Variants in UMAD1 observed in about 807,000 individuals in gnomAD.
UMAD1 encodes the protein UBAP1-MVB12-associated (UMA) domain containing 1.
UMAD1 carries 8 observed loss-of-function variants against 6.1 expected under a neutral mutation model. That is an observed-to-expected ratio of 1.30 (90% CI 0.76 to 2.35). The LOEUF is 2.35. Among genes scored for constraint, UMAD1 ranks in the 30% most tolerant of loss-of-function variants. The pLI, the probability that UMAD1 is intolerant of heterozygous loss-of-function variation, is 0.00. For synonymous variants in UMAD1, 56 were observed against 31.4 expected (o/e 1.78, Z -2.61); for missense variants, 130 against 78.4 (o/e 1.66, Z -2.49).
chr7:7,836,835 G>A (rs10260454), intron 3 of UMAD1, among the ~76,000 whole-genome samples: 114,755 of 151,666 alleles, frequency 0.76, 44,482 homozygotes, highest in African/African-American at 0.94. Context: ...ATGCATAATA[G>A]TAGCATGAAG....
chr7:7,796,039 A>G (rs1402656402), intron 2 of UMAD1, among the ~76,000 whole-genome samples: 1 of 152,042 alleles, frequency 6.6e-6, no homozygotes, highest in Non-Finnish European at 1.5e-5. Context: ...GGACAGAACC[A>G]CTTGTGGCCA....
chr7:7,872,102 TA>T (rs892789283), intron 3 of UMAD1, among the ~76,000 whole-genome samples: 503 of 140,152 alleles, frequency 3.6e-3, no homozygotes, highest in African/African-American at 5.9e-3. Context: ...AAATAAAAAA[TA>T]AAAAAAAAAA....
chr7:7,694,740 G>C (rs1354702121), intron 2 of UMAD1, among the ~76,000 whole-genome samples: 2 of 152,186 alleles, frequency 1.3e-5, no homozygotes, highest in East Asian at 3.9e-4. Flanking sequence ...TGGCTGAATA[G>C]TACTCCATTG....
rs544468626 is a variant in UMAD1 at position 7,713,840 on chromosome 7, T to A, written c.82+40387T>A. On this transcript the variant is annotated intron_variant, in intron 2 of 3. Coordinates refer to ENST00000682710, the MANE Select transcript of UMAD1 (RefSeq NM_001302348.2). ...TTCTCTTTTCAAAAAATTAAAAAAATTTTTTCTAGAGGCAGGGTCTCACTC... is the reference window on the plus strand; with the variant it reads ...TTCTCTTTTCAAAAAATTAAAAAAAATTTTTCTAGAGGCAGGGTCTCACTC... Among the ~76,000 whole-genome samples the A allele has an allele frequency of 6.8e-4, 103 of 152,288 alleles. 4 individuals carry two copies. In the South Asian group the frequency reaches 0.02, roughly 29 times the overall value.
At chr7:7,709,144 T>G (rs1450391096) in intron 2 of UMAD1, among the ~76,000 whole-genome samples, 1 of 152,220 alleles carries the variant, frequency 6.6e-6, no homozygotes, top group African/African-American at 2.4e-5. Flanking sequence ...GATTTTGTAA[T>G]GGTTAAATAA....
chr7:7,784,636 T>G (rs1037290489), intron 2 of UMAD1, among the ~76,000 whole-genome samples: 1 of 151,876 alleles, frequency 6.6e-6, no homozygotes, highest in Non-Finnish European at 1.5e-5. Flanking sequence ...TGAGCCACCG[T>G]GCCCGGCCTA....
intron 3 of UMAD1, among the ~76,000 whole-genome samples, chr7:7,844,035 G>A (rs1365399171): frequency 2.0e-5 from 3 of 152,214 alleles, no homozygotes; most frequent in Non-Finnish European, 4.4e-5. Context: ...TGGGAATGAA[G>A]GAATGCTTTT....
At chr7:7,643,638 A>AG (rs1220981445) in intron 1 of UMAD1, among the ~76,000 whole-genome samples, 1 of 151,388 alleles carries the variant, frequency 6.6e-6, no homozygotes, top group African/African-American at 2.4e-5. Context: ...CGTGAACCCG[A>AG]GAGGCGGAGC....
chr7:7,835,766 A>T (rs73055876), intron 3 of UMAD1, among the ~76,000 whole-genome samples: 12,635 of 151,896 alleles, frequency 0.083, 705 homozygotes, highest in Middle Eastern at 0.18. Flanking sequence ...TACATCAGTT[A>T]TCTTATTTTA....
intron 2 of UMAD1, among the ~76,000 whole-genome samples, chr7:7,695,673 T>G (rs1780296891): frequency 6.6e-6 from 1 of 152,184 alleles, no homozygotes; most frequent in Non-Finnish European, 1.5e-5. Flanking sequence ...AAAAAGACAT[T>G]GCTTCTGAGC....
At chr7:7,688,322 T>C (rs140248254) in intron 2 of UMAD1, among the ~76,000 whole-genome samples, 2 of 152,320 alleles carry the variant, frequency 1.3e-5, no homozygotes, top group East Asian at 3.9e-4. Flanking sequence ...CATATCTCAT[T>C]GGGTACCTTT....
chr7:7,714,852 T>C (rs1002937570), intron 2 of UMAD1, among the ~76,000 whole-genome samples: 25 of 148,778 alleles, frequency 1.7e-4, no homozygotes, highest in Non-Finnish European at 7.5e-5. Flanking sequence ...CAAAAATTTT[T>C]CTTTTTTTTT....
At chr7:7,778,971 T>G (rs932347868) in intron 2 of UMAD1, among the ~76,000 whole-genome samples, 2 of 152,228 alleles carry the variant, frequency 1.3e-5, no homozygotes, top group Non-Finnish European at 2.9e-5. Context: ...CATGTAAACC[T>G]CTTATCAGTC....
intron 1 of UMAD1, 43 bp from the exon 2 acceptor site, chr7:7,673,266 C>T: frequency 1.9e-6 from 2 of 1,062,842 alleles, no homozygotes; most frequent in Non-Finnish European, 1.4e-6. Context: ...AAGAGTTTTA[C>T]AGTTGCATCT....
intron 3 of UMAD1, among the ~76,000 whole-genome samples, chr7:7,860,690 G>T (rs1362841410): frequency 6.6e-6 from 1 of 150,842 alleles, no homozygotes; most frequent in East Asian, 1.9e-4. Flanking sequence ...CAGGAGAATG[G>T]CGCGAACCCA....
Position 7,640,758 on chromosome 7 carries a change from A to G in UMAD1, c.-127A>G. 1 of 241,200 alleles carries G rather than the reference A, an allele frequency of 4.1e-6. No individual in the cohort carries two copies. Among genetic ancestry groups the G allele is most frequent in the Non-Finnish European group, 8.2e-6 (1 of 121,584 alleles). 14.9% of individuals were successfully genotyped at this position (241,200 alleles called of 1,614,324 possible). On this transcript the variant is annotated 5_prime_UTR_variant, in exon 1 of 4. Coordinates refer to ENST00000682710, the MANE Select transcript of UMAD1 (RefSeq NM_001302348.2). ...TCACAGGATTCCCGGCGGTGACTTG[A>G]CCCCGGAAGTGGGGTGTGAAGCTCC...
At chr7:7,763,599 G>A (rs113177355) in intron 2 of UMAD1, among the ~76,000 whole-genome samples, 225 of 152,256 alleles carry the variant, frequency 1.5e-3, no homozygotes, top group African/African-American at 5.1e-3. Context: ...AATTTAGGCC[G>A]GGCGTGGTGG....
At chr7:7,761,769 T>C (rs1400928633) in intron 2 of UMAD1, among the ~76,000 whole-genome samples, 2 of 152,230 alleles carry the variant, frequency 1.3e-5, no homozygotes, top group Admixed American at 1.3e-4. Context: ...TTTTGATACC[T>C]TTTCTTCTAG....
intron 3 of UMAD1, among the ~76,000 whole-genome samples, chr7:7,861,013 T>C (rs926368696): frequency 6.6e-6 from 1 of 152,142 alleles, no homozygotes; most frequent in African/African-American, 2.4e-5. Context: ...GGATATACAT[T>C]GTATGGTTCC....
Sources: gnomAD v4.1 joint callset for allele counts (sites outside exome capture counted in the v4.1 genomes callset) on GRCh38, gnomAD v4.1.1 for gene constraint, MANE v1.5 for transcripts, NCBI Gene and HGNC (gene_info 2026-07-23, HGNC 2026-07-21) for gene names.